AASS: variants seen among roughly 807,000 people sequenced by gnomAD.
AASS encodes aminoadipate-semialdehyde synthase.
AASS carries 86 observed loss-of-function variants against 105.4 expected under a neutral mutation model. That is an observed-to-expected ratio of 0.82 (90% CI 0.69 to 0.98). AASS has a LOEUF of 0.98. Ranked by LOEUF, AASS falls within the 50% of genes least tolerant of loss-of-function variation. The pLI is 0.00. For missense variants in AASS, 1,048 were observed against 1,143.2 expected, an observed-to-expected ratio of 0.92 and a Z score of 1.20; for synonymous variants, 381 against 394.8, an observed-to-expected ratio of 0.96 and a Z score of 0.41.
chr7:122,119,204 T>G (rs1385034043), intron 4 of AASS, among the ~76,000 whole-genome samples: 1 of 152,164 alleles, frequency 6.6e-6, no homozygotes, highest in East Asian at 1.9e-4. Context: ...AACTTGAAAT[T>G]TTTAATCCTA....
Position 122,134,544 on chromosome 7 carries a change from A to T in AASS, c.-15-803T>A, listed in dbSNP as rs192883011. 6.2e-3 allele frequency among the ~76,000 whole-genome samples: 936 copies of T among 152,160 alleles called. 4 individuals carry two copies. Among genetic ancestry groups the T allele is most frequent in the Non-Finnish European group, 9.7e-3 (659 of 67,996 alleles). On this transcript the variant is annotated intron_variant, in intron 1 of 23. Transcript: ENST00000417368. ...GGCTAAGTTCTTTTTTTTAATTTAT[A>T]ACAAATTACTGGGATTACAGGGGTG...
intron 22 of AASS, 132 bp from the exon 23 acceptor site, chr7:122,078,146 A>C (rs1332404222): frequency 2.3e-5 from 20 of 867,124 alleles, no homozygotes; most frequent in Middle Eastern, 6.4e-4. Flanking sequence ...AATTATTTAC[A>C]CAGCTTTTTA....
chr7:122,113,481 G>T, intron 10 of AASS, 117 bp downstream of exon 10: 1 of 1,323,678 alleles, frequency 7.6e-7, no homozygotes, highest in Non-Finnish European at 1.1e-6. Context: ...TAGTATGTTT[G>T]AGTATATCTC....
chr7:122,103,822 G>A (rs939202512), intron 11 of AASS, among the ~76,000 whole-genome samples: 2 of 151,462 alleles, frequency 1.3e-5, no homozygotes, highest in East Asian at 1.9e-4. Context: ...ACACACACAC[G>A]CTGGTGGGAG....
intron 9 of AASS, among the ~76,000 whole-genome samples, chr7:122,114,355 A>G (rs562921224): frequency 6.6e-6 from 1 of 152,288 alleles, no homozygotes; most frequent in African/African-American, 2.4e-5. Context: ...GCTTTCTTCT[A>G]AACCCTGGTG....
chr7:122,133,846 A>T, intron 1 of AASS, 105 bp from the exon 2 acceptor site: 1 of 967,118 alleles, frequency 1.0e-6, no homozygotes, highest in East Asian at 2.4e-5. Flanking sequence ...GCTCTTATGA[A>T]AACAGACACA....
chr7:122,141,298 C>G (rs1296183989), intron 1 of AASS, among the ~76,000 whole-genome samples: 1 of 152,178 alleles, frequency 6.6e-6, no homozygotes, highest in Non-Finnish European at 1.5e-5. Flanking sequence ...TCCAGCCCAT[C>G]ACCTACTCAA....
chr7:122,094,967 C>A (rs547359884), intron 15 of AASS, among the ~76,000 whole-genome samples: 3 of 152,098 alleles, frequency 2.0e-5, no homozygotes, highest in African/African-American at 7.2e-5. Flanking sequence ...ACAGAAAACC[C>A]CAATCCAAAT....
chr7:122,079,140 C>T, intron 21 of AASS, 190 bp from the exon 22 acceptor site: 1 of 1,481,768 alleles, frequency 6.7e-7, no homozygotes. Context: ...GAATCTTCTC[C>T]AGACTCACCC....
In AASS at chr7:122,115,085, T is replaced by C. The variant is rs760560877; in HGVS notation, c.1032A>G (p.Ala344=). 2 of 1,614,108 alleles carry C rather than the reference T, an allele frequency of 1.2e-6. No individual in the cohort carries two copies. The highest frequency in any genetic ancestry group is 1.7e-6 in the Non-Finnish European group (2 of 1,180,008). ...FSPAGVEGCP[A]LPHKLVAICD... is the part of the protein sequence containing the mutation. ...AGTAGAGTCCTTACTTGTGTGGTAATGCAGGGCAGCCTTCCACACCAGCAG... is the reference window on the plus strand; with the variant it reads ...AGTAGAGTCCTTACTTGTGTGGTAACGCAGGGCAGCCTTCCACACCAGCAG... Residue 344 remains alanine, a synonymous_variant, in exon 9 of 24, where the codon GCA becomes GCG. Transcript: ENST00000417368.
At chr7:122,093,915 G>A (rs959125459) in intron 15 of AASS, among the ~76,000 whole-genome samples, 6 of 152,074 alleles carry the variant, frequency 3.9e-5, no homozygotes, top group Non-Finnish European at 5.9e-5. Context: ...CCATAAAAAA[G>A]AATGAAATAG....
intron 11 of AASS, among the ~76,000 whole-genome samples, chr7:122,106,559 C>T (rs775780025): frequency 1.3e-5 from 2 of 151,890 alleles, no homozygotes; most frequent in Non-Finnish European, 2.9e-5. Flanking sequence ...AAACCAGACA[C>T]AAAGACCAAT....
chr7:122,093,012 G>A, intron 16 of AASS, 36 bp downstream of exon 16: 3 of 1,609,228 alleles, frequency 1.9e-6, no homozygotes, highest in Non-Finnish European at 2.6e-6. Context: ...CAATGCCATG[G>A]ATCCACTCAG....
chr7:122,116,578 G>T, intron 8 of AASS, 55 bp downstream of exon 8: 3 of 1,608,118 alleles, frequency 1.9e-6, no homozygotes, highest in Non-Finnish European at 1.7e-6. Context: ...CTTGAAAATA[G>T]CCTACCTACA....
At chr7:122,139,436 T>C (rs77063555) in intron 1 of AASS, among the ~76,000 whole-genome samples, 154 of 152,290 alleles carry the variant, frequency 1.0e-3, no homozygotes, top group African/African-American at 3.5e-3. Context: ...GTGGGACTGA[T>C]AGAATGTAAT....
intron 13 of AASS, among the ~76,000 whole-genome samples, chr7:122,099,680 A>C (rs1794335034): frequency 6.6e-6 from 1 of 151,942 alleles, no homozygotes; most frequent in South Asian, 2.1e-4. Context: ...GAAATGGCCT[A>C]GTGCCAGGGA....
At chr7:122,111,757 G>T (rs193032783) in intron 11 of AASS, among the ~76,000 whole-genome samples, 1 of 152,150 alleles carries the variant, frequency 6.6e-6, no homozygotes, top group East Asian at 1.9e-4. Flanking sequence ...ACAAAAATTA[G>T]CCAGGCGTGG....
chr7:122,091,584 G>T, intron 18 of AASS, 119 bp downstream of exon 18: 1 of 1,430,600 alleles, frequency 7.0e-7, no homozygotes, highest in Non-Finnish European at 9.8e-7. Flanking sequence ...CAACACAGGA[G>T]GAGATAATGG....
At chr7:122,098,088 T>C (rs1353772639) in intron 15 of AASS, among the ~76,000 whole-genome samples, 1 of 151,876 alleles carries the variant, frequency 6.6e-6, no homozygotes, top group Non-Finnish European at 1.5e-5. Context: ...AAGCCACAAA[T>C]GAGGATATAT....
Sources: gnomAD v4.1 joint callset for allele counts (sites outside exome capture counted in the v4.1 genomes callset) on GRCh38, gnomAD v4.1.1 for gene constraint, MANE v1.5 for transcripts, NCBI Gene and HGNC (gene_info 2026-07-23, HGNC 2026-07-21) for gene names.